The following POLK variants were observed in gnomAD, a reference collection of about 807,000 sequenced individuals.
The protein encoded by POLK is DNA polymerase kappa, also known as polymerase (DNA directed) kappa.
A neutral mutation model predicts 94.0 loss-of-function variants in POLK; 76 were observed. The observed-to-expected ratio is 0.81, with a 90% CI of 0.67 to 0.98. POLK has a LOEUF of 0.98. POLK is among the 50% of genes least tolerant of loss of function. POLK has a pLI of 0.00. For synonymous variants in POLK, 349 were observed against 325.4 expected (o/e 1.07, Z -0.78); for missense variants, 954 against 1,010.1 (o/e 0.94, Z 0.75).
At chr5:75,557,070 GA>G (rs1414588542) in intron 3 of POLK, among the ~76,000 whole-genome samples, 1 of 151,248 alleles carries the variant, frequency 6.6e-6, no homozygotes, top group Non-Finnish European at 1.5e-5. Context: ...CTCAAGAAAA[GA>G]AAAAAAAGAA....
intron 12 of POLK, 65 bp downstream of exon 12, chr5:75,594,114 G>A (rs1772937913): frequency 3.4e-6 from 4 of 1,189,374 alleles, no homozygotes; most frequent in Non-Finnish European, 2.4e-6. Flanking sequence ...AATCAACTTT[G>A]GGAATACAGG....
intron 11 of POLK, among the ~76,000 whole-genome samples, chr5:75,593,471 T>C (rs1455805017): frequency 6.6e-6 from 1 of 152,240 alleles, no homozygotes; most frequent in Non-Finnish European, 1.5e-5. Flanking sequence ...TAATTGGTTA[T>C]AATTCCATAT....
chr5:75,514,856 C>A (rs1055065555), intron 1 of POLK, among the ~76,000 whole-genome samples: 2 of 151,376 alleles, frequency 1.3e-5, no homozygotes, highest in East Asian at 1.9e-4. Flanking sequence ...CAAAGTGAGA[C>A]CCTGTCTCAA....
intron 1 of POLK, among the ~76,000 whole-genome samples, chr5:75,522,473 A>G (rs1168961400): frequency 6.6e-6 from 1 of 152,182 alleles, no homozygotes; most frequent in African/African-American, 2.4e-5. Context: ...TTTGGAACCC[A>G]AAACCGGTTT....
intron 5 of POLK, 82 bp from the exon 6 acceptor site, chr5:75,576,698 T>C (rs1771891091): frequency 8.2e-6 from 5 of 608,374 alleles, no homozygotes; most frequent in Non-Finnish European, 1.3e-5. Context: ...ACTAAGAATA[T>C]TAACATTTCT....
intron 1 of POLK, among the ~76,000 whole-genome samples, chr5:75,531,791 C>CA (rs200411407): frequency 0.12 from 16,348 of 141,420 alleles, 967 homozygotes; most frequent in South Asian, 0.21. Flanking sequence ...GACTCTGTCT[C>CA]AAAAAAAAAA....
intron 9 of POLK, 99 bp from the exon 10 acceptor site, chr5:75,586,927 T>G (rs951455495): frequency 1.3e-6 from 1 of 777,136 alleles, no homozygotes; most frequent in Non-Finnish European, 2.1e-6. Context: ...AATAAAAAAT[T>G]TGAGAGCTCT....
At chr5:75,511,863 C>T (rs899698862) in exon 1 of POLK, 1 of 1,529,008 alleles carries the variant, frequency 6.5e-7, no homozygotes, top group African/African-American at 1.4e-5. Context: ...GGGCGTTGGT[C>T]CGTCGCTCGC....
chr5:75,526,020 C>T (rs530634762), intron 1 of POLK, among the ~76,000 whole-genome samples: 2 of 152,230 alleles, frequency 1.3e-5, no homozygotes, highest in African/African-American at 4.8e-5. Flanking sequence ...TGAGAGGATG[C>T]TTCTTAAGCA....
intron 7 of POLK, chr5:75,581,785 T>G (rs549628798): frequency 1.5e-4 from 32 of 208,070 alleles, no homozygotes; most frequent in Middle Eastern, 2.0e-3. Flanking sequence ...GTTCAAGCGA[T>G]TCTCCTGCCT....
chr5:75,587,067 T>A lies in POLK; in HGVS notation c.1259+9T>A. 7.0e-7 allele frequency: 1 copy of A among 1,434,594 alleles called. No homozygotes were observed. Among genetic ancestry groups the A allele is most frequent in the Non-Finnish European group, 9.7e-7 (1 of 1,031,428 alleles). The allele number at this position is 1,434,594 out of a possible 1,614,324, so 88.9% of individuals were successfully genotyped here. ...AGTATGAGCGTTGAGAGGTAATGTT[T>A]TATTATTTATTGTTAATTGTGCATA... On this transcript the variant is annotated intron_variant, in intron 10 of 14. Coordinates refer to ENST00000241436, the Ensembl canonical transcript of POLK.
the POLK span, chr5:75,609,640 CCATATTAGTA>C: frequency 2.6e-5 from 4 of 152,150 alleles, no homozygotes; most frequent in Non-Finnish European, 5.9e-5. Context: ...ATTATACTTT[CCATATTAGTA>C]CATTGTCTGA....
intron 6 of POLK, among the ~76,000 whole-genome samples, chr5:75,579,256 T>C (rs1215008087): frequency 6.6e-6 from 1 of 152,200 alleles, no homozygotes; most frequent in East Asian, 1.9e-4. Context: ...GATAACTTAC[T>C]TGGTTTGCAG....
chr5:75,552,910 T>C (rs537249974), intron 3 of POLK, among the ~76,000 whole-genome samples: 4 of 152,302 alleles, frequency 2.6e-5, no homozygotes, highest in Admixed American at 2.6e-4. Flanking sequence ...TATGTTCTTT[T>C]TATTGTATAC....
chr5:75,597,838 AATT>A, intron 14 of POLK, 49 bp downstream of exon 14: 1 of 1,262,884 alleles, frequency 7.9e-7, no homozygotes, highest in South Asian at 1.6e-5. Flanking sequence ...ATGAAAATTC[AATT>A]ATTTTATAAA....
At chr5:75,609,606 G>C in the POLK span, 1 of 151,960 alleles carries the variant, frequency 6.6e-6, no homozygotes, top group Non-Finnish European at 1.5e-5. Flanking sequence ...CATATAATTT[G>C]GTGCCCTGTT....
intron 8 of POLK, among the ~76,000 whole-genome samples, 178 bp from the exon 9 acceptor site, chr5:75,584,582 C>T (rs951525583): frequency 2.6e-5 from 4 of 151,690 alleles, no homozygotes; most frequent in African/African-American, 9.7e-5. Flanking sequence ...GCAGGAGAAT[C>T]GCTTGAACAA....
At chr5:75,569,287 G>C in intron 3 of POLK, 53 bp from the exon 4 acceptor site, 1 of 1,206,058 alleles carries the variant, frequency 8.3e-7, no homozygotes, top group Admixed American at 2.0e-5. Flanking sequence ...GTGGTTAATG[G>C]TGTTTCAATA....
At chr5:75,569,200 GATGA>G (rs1190052134) in intron 3 of POLK, 136 bp from the exon 4 acceptor site, 3 of 603,360 alleles carry the variant, frequency 5.0e-6, no homozygotes, top group African/African-American at 3.7e-5. Flanking sequence ...TGGGTGGATG[GATGA>G]ATGGATGGAT....
Sources: gnomAD v4.1 joint callset for allele counts (sites outside exome capture counted in the v4.1 genomes callset) on GRCh38, gnomAD v4.1.1 for gene constraint, MANE v1.5 for transcripts, NCBI Gene and HGNC (gene_info 2026-07-23, HGNC 2026-07-21) for gene names.